The following MAP3K5 variants were observed in gnomAD, a reference collection of about 807,000 sequenced individuals.
MAP3K5 encodes ASK-1.
In MAP3K5, 56 loss-of-function variants were observed where a neutral mutation model predicts 158.7. That is an observed-to-expected ratio of 0.35 (90% confidence interval 0.28 to 0.44). The LOEUF is 0.44. Among genes scored for constraint, MAP3K5 ranks in the 20% least tolerant of loss-of-function variants. The probability of loss-of-function intolerance (pLI) is 1.00; values close to 1 mark genes in which losing one functional copy is unlikely to be tolerated. For synonymous variants in MAP3K5, 579 were observed against 601.7 expected (o/e 0.96, Z 0.55); for missense variants, 1,294 against 1,674.8 (o/e 0.77, Z 3.97).
In MAP3K5 at chr6:136,600,965, G is replaced by A. The variant is rs370702070; in HGVS notation, c.2878+57C>T. On this transcript the variant is annotated intron_variant, in intron 21 of 29. Coordinates refer to ENST00000359015, the MANE Select transcript of MAP3K5 (RefSeq NM_005923.4). ...GAGGCTACTTGATGGGAAGTCTGGA[G>A]TTTATCACACCAGACACCAGGTCTC... 6 of 1,590,400 alleles carry A rather than the reference G, an allele frequency of 3.8e-6. No homozygotes were observed. The African/African-American group carries it at 6.7e-5, about 18-fold the overall frequency.
intron 23 of MAP3K5, among the ~76,000 whole-genome samples, chr6:136,590,359 T>C (rs1278042378): frequency 6.6e-6 from 1 of 152,164 alleles, no homozygotes; most frequent in African/African-American, 2.4e-5. Context: ...GAATGATAGG[T>C]TCACTGACAA....
At chr6:136,655,672 T>C (rs1277806746) in intron 10 of MAP3K5, among the ~76,000 whole-genome samples, 2 of 151,838 alleles carry the variant, frequency 1.3e-5, no homozygotes, top group Non-Finnish European at 1.5e-5. Context: ...CAGAGGGGCA[T>C]GGCACCATCT....
intron 21 of MAP3K5, among the ~76,000 whole-genome samples, chr6:136,599,436 C>T (rs1775781771): frequency 6.6e-6 from 1 of 152,022 alleles, no homozygotes; most frequent in Admixed American, 6.6e-5. Flanking sequence ...CCCCAAGGTA[C>T]ATAGTCACTG....
intron 21 of MAP3K5, among the ~76,000 whole-genome samples, chr6:136,598,747 G>A (rs1389929899): frequency 6.6e-6 from 1 of 152,132 alleles, no homozygotes; most frequent in African/African-American, 2.4e-5. Context: ...ACACATATAT[G>A]GCCTATAGAA....
At chr6:136,668,432 A>G (rs1275126171) in intron 8 of MAP3K5, among the ~76,000 whole-genome samples, 14 of 152,204 alleles carry the variant, frequency 9.2e-5, no homozygotes, top group Admixed American at 8.5e-4. Context: ...TCTACAATTC[A>G]TAGCTTCACT....
At chr6:136,565,934 C>T (rs993122498) in intron 26 of MAP3K5, among the ~76,000 whole-genome samples, 2 of 152,048 alleles carry the variant, frequency 1.3e-5, no homozygotes, top group African/African-American at 2.4e-5. Flanking sequence ...GAGGAAAAAG[C>T]GTAAATGTGT....
chr6:136,718,689 T>C (rs1781626151), intron 2 of MAP3K5, among the ~76,000 whole-genome samples: 1 of 152,240 alleles, frequency 6.6e-6, no homozygotes, highest in South Asian at 2.1e-4. Context: ...GCCAGTTTAT[T>C]TGTCCCGGAC....
intron 17 of MAP3K5, 120 bp from the exon 18 acceptor site, chr6:136,611,507 T>C (rs1776344196): frequency 1.8e-6 from 1 of 562,024 alleles, no homozygotes. Flanking sequence ...ACGACATTAA[T>C]TCTGTATTCT....
chr6:136,724,229 G>C (rs541070532), intron 1 of MAP3K5, among the ~76,000 whole-genome samples: 1 of 151,048 alleles, frequency 6.6e-6, no homozygotes, highest in Non-Finnish European at 1.5e-5. Flanking sequence ...GAAAGTTTTC[G>C]GATTAAGAGA....
chr6:136,587,258 A>G (rs1775179576), intron 23 of MAP3K5, among the ~76,000 whole-genome samples: 1 of 152,248 alleles, frequency 6.6e-6, no homozygotes, highest in Non-Finnish European at 1.5e-5. Flanking sequence ...ACAAATATGT[A>G]TCTAGAAACA....
intron 1 of MAP3K5, among the ~76,000 whole-genome samples, chr6:136,739,073 C>A (rs756412359): frequency 6.6e-6 from 1 of 152,070 alleles, no homozygotes. Flanking sequence ...AGTGTGTTGA[C>A]GACATGACAC....
chr6:136,659,004 G>C (rs1400080582), intron 9 of MAP3K5, among the ~76,000 whole-genome samples: 1 of 152,248 alleles, frequency 6.6e-6, no homozygotes, highest in Non-Finnish European at 1.5e-5. Flanking sequence ...CAATGTGCAG[G>C]AGAGGCTAAG....
At chr6:136,606,232 T>C (rs1367214780) in intron 18 of MAP3K5, among the ~76,000 whole-genome samples, 1 of 151,962 alleles carries the variant, frequency 6.6e-6, no homozygotes, top group Non-Finnish European at 1.5e-5. Context: ...GCACCTATAA[T>C]CCCAGCTACT....
chr6:136,681,641 A>G (rs1242395645), intron 7 of MAP3K5, among the ~76,000 whole-genome samples: 2 of 152,062 alleles, frequency 1.3e-5, no homozygotes, highest in African/African-American at 4.8e-5. Flanking sequence ...TCAAAAAACA[A>G]AGCAAAACGA....
chr6:136,759,114 T>G (rs1783626480), intron 1 of MAP3K5, among the ~76,000 whole-genome samples: 1 of 152,128 alleles, frequency 6.6e-6, no homozygotes, highest in Non-Finnish European at 1.5e-5. Flanking sequence ...AAGGTTGCAG[T>G]GAGCCAAGAT....
At chr6:136,676,576 G>C (rs555880073) in intron 7 of MAP3K5, among the ~76,000 whole-genome samples, 11 of 151,948 alleles carry the variant, frequency 7.2e-5, no homozygotes, top group Non-Finnish European at 8.8e-5. Flanking sequence ...GGTCTGTCAT[G>C]AGAAATTCCT....
chr6:136,633,397 GA>G (rs1270130370), intron 14 of MAP3K5, among the ~76,000 whole-genome samples: 4 of 148,982 alleles, frequency 2.7e-5, no homozygotes, highest in Non-Finnish European at 5.9e-5. Context: ...GACTCTGTCT[GA>G]AAAAAAATAA....
intron 7 of MAP3K5, among the ~76,000 whole-genome samples, chr6:136,680,665 T>C (rs973157727): frequency 6.6e-6 from 1 of 152,238 alleles, no homozygotes; most frequent in African/African-American, 2.4e-5. Flanking sequence ...TTTTACAGTG[T>C]ACCCATGCAA....
intron 1 of MAP3K5, among the ~76,000 whole-genome samples, chr6:136,727,090 TGG>T (rs1360000778): frequency 6.6e-6 from 1 of 152,198 alleles, no homozygotes; most frequent in Non-Finnish European, 1.5e-5. Context: ...CTGACTCTGC[TGG>T]GTACCTTCTC....
Sources: allele counts gnomAD v4.1 joint callset (sites outside exome capture counted in the v4.1 genomes callset), GRCh38; gene constraint gnomAD v4.1.1; transcripts MANE v1.5; gene names NCBI Gene and HGNC (gene_info 2026-07-23, HGNC 2026-07-21).